Variants in PDE10A observed in about 807,000 individuals in gnomAD.
The protein encoded by PDE10A is phosphodiesterase 10A, also known as cAMP and cAMP-inhibited cGMP 3',5'-cyclic phosphodiesterase 10A.
In PDE10A, 39 loss-of-function variants were observed where a neutral mutation model predicts 97.7. The ratio of observed to expected loss-of-function variants is 0.40; its 90% CI spans 0.31 to 0.52. PDE10A has a LOEUF of 0.52. PDE10A is among the 20% of genes least tolerant of loss of function. The probability of loss-of-function intolerance (pLI) is 0.56; values close to 1 mark genes in which losing one functional copy is unlikely to be tolerated. For missense variants in PDE10A, 731 were observed against 1,047.8 expected (o/e 0.70, Z 4.17); for synonymous variants, 371 against 376.8 (o/e 0.98, Z 0.18).
chr6:165,743,117 T>A lies in PDE10A; in HGVS notation c.-614-199549A>T, dbSNP rs184732048. The stretch of plus-strand genomic sequence containing the variant: ...CTAGTGGAATCACTCATTCATTTCA[T>A]AAGTATTGATCATGTACCTACTACG... On this transcript the variant is annotated intron_variant, in intron 1 of 19. Coordinates refer to the PDE10A transcript ENST00000366882. 3.0e-3 allele frequency among the ~76,000 whole-genome samples: 461 copies of A among 152,336 alleles called. 3 individuals carry two copies. Among genetic ancestry groups the A allele is most frequent in the Non-Finnish European group, 5.4e-3 (365 of 68,032 alleles).
At chr6:165,962,134 A>G (rs1171790138) in intron 1 of PDE10A, among the ~76,000 whole-genome samples, 2 of 152,194 alleles carry the variant, frequency 1.3e-5, no homozygotes, top group Non-Finnish European at 2.9e-5. Flanking sequence ...AACCCAGTTT[A>G]TTTGCCCCCA....
At chr6:165,906,082 C>G (rs1358610138) in intron 1 of PDE10A, among the ~76,000 whole-genome samples, 1 of 67,326 alleles carries the variant, frequency 1.5e-5, no homozygotes, top group African/African-American at 6.7e-5. Flanking sequence ...TCCTTCCTCC[C>G]TCCCTCCCTT....
chr6:165,441,131 C>T (rs1790422995), intron 5 of PDE10A, among the ~76,000 whole-genome samples: 1 of 152,186 alleles, frequency 6.6e-6, no homozygotes, highest in South Asian at 2.1e-4. Context: ...GCTTCTTCTG[C>T]CCAAGAGACA....
intron 1 of PDE10A, among the ~76,000 whole-genome samples, chr6:165,915,788 A>G (rs1266015211): frequency 6.6e-6 from 1 of 152,180 alleles, no homozygotes; most frequent in Non-Finnish European, 1.5e-5. Context: ...TGCACACCTC[A>G]AGGCTTCTTT....
intron 2 of PDE10A, among the ~76,000 whole-genome samples, chr6:165,537,024 C>T (rs1053221252): frequency 4.6e-5 from 7 of 151,542 alleles, no homozygotes; most frequent in African/African-American, 1.5e-4. Context: ...TCATAGTAGC[C>T]GAAATATGTA....
chr6:165,648,770 C>T (rs1789534072), intron 1 of PDE10A, among the ~76,000 whole-genome samples: 1 of 152,252 alleles, frequency 6.6e-6, no homozygotes, highest in East Asian at 1.9e-4. Context: ...AGTGCCAAAA[C>T]TCTGCACGCA....
At chr6:165,780,963 G>A (rs1432386224) in intron 1 of PDE10A, 3 of 152,434 alleles carry the variant, frequency 2.0e-5, no homozygotes, top group African/African-American at 4.8e-5. Flanking sequence ...CAATGTGGTA[G>A]TGTTGGGTGG....
intron 1 of PDE10A, among the ~76,000 whole-genome samples, chr6:165,726,816 C>T (rs1367178356): frequency 6.6e-6 from 1 of 152,256 alleles, no homozygotes; most frequent in African/African-American, 2.4e-5. Flanking sequence ...TCTTAACCAG[C>T]CCAGTTGCCG....
chr6:165,624,324 C>G (rs1313348699), intron 1 of PDE10A, among the ~76,000 whole-genome samples: 1 of 152,172 alleles, frequency 6.6e-6, no homozygotes, highest in East Asian at 1.9e-4. Flanking sequence ...CATGTCATTC[C>G]CCGATTCAAA....
At chr6:165,934,086 C>CA (rs201796159) in intron 1 of PDE10A, among the ~76,000 whole-genome samples, 2,582 of 150,794 alleles carry the variant, frequency 0.017, 83 homozygotes, top group African/African-American at 0.058. Flanking sequence ...CAGGTTCAAG[C>CA]AATTCTCCTG....
At chr6:165,911,223 A>G (rs1782444541) in intron 1 of PDE10A, among the ~76,000 whole-genome samples, 1 of 152,234 alleles carries the variant, frequency 6.6e-6, no homozygotes, top group South Asian at 2.1e-4. Context: ...TGAGTAATCA[A>G]CAAACTCTTC....
chr6:165,620,849 C>T (rs1054151151), intron 1 of PDE10A, among the ~76,000 whole-genome samples: 12 of 151,842 alleles, frequency 7.9e-5, no homozygotes, highest in Non-Finnish European at 1.6e-4. Flanking sequence ...GGTGAAACCC[C>T]GTCTCTACTA....
intron 2 of PDE10A, among the ~76,000 whole-genome samples, chr6:165,539,072 G>C (rs147410394): frequency 1.3e-5 from 2 of 151,974 alleles, no homozygotes; most frequent in Non-Finnish European, 2.9e-5. Flanking sequence ...AGGATGTATC[G>C]GCTTTAATGC....
At chr6:165,681,783 T>C (rs1295062984) in intron 1 of PDE10A, among the ~76,000 whole-genome samples, 1 of 152,212 alleles carries the variant, frequency 6.6e-6, no homozygotes, top group East Asian at 1.9e-4. Context: ...GGGTTGGTTT[T>C]ACAAACTGCT....
chr6:165,655,601 T>C lies in PDE10A; in HGVS notation c.865+6346A>G, dbSNP rs1051638764. 3.9e-5 allele frequency among the ~76,000 whole-genome samples: 6 copies of C among 152,136 alleles called. No individual in the cohort carries two copies. Among genetic ancestry groups the C allele is most frequent in the African/African-American group, 1.4e-4 (6 of 41,414 alleles). ...ATCATCGCCGTGATCCAAGTTACCA[T>C]TGCTCTTGTCTTGACTATGACAGTA... On this transcript the variant is annotated intron_variant, in intron 1 of 21. Coordinates refer to ENST00000539869, the MANE Select transcript of PDE10A (RefSeq NM_001385079.1). This position sits in a 1 kb window ranked among gnomAD's most constrained non-coding sequence, Gnocchi z 4.5.
chr6:165,329,923 T>C lies in PDE10A; in HGVS notation c.*3102A>G, dbSNP rs557543143. 1 of 152,324 alleles carries C rather than the reference T, an allele frequency of 6.6e-6. No homozygotes were observed. The highest frequency in any genetic ancestry group is 2.4e-5 in the African/African-American group (1 of 41,594). 9.4% of individuals were successfully genotyped at this position (152,324 alleles called of 1,614,324 possible). On this transcript the variant is annotated 3_prime_UTR_variant, in exon 22 of 22. Coordinates refer to ENST00000539869, the MANE Select transcript of PDE10A (RefSeq NM_001385079.1). ...CAGCTGGGAAATGGACCAGAGTCTC[T>C]GCCCTATTAATAGGGCTATTTTTTA...
intron 18 of PDE10A, among the ~76,000 whole-genome samples, chr6:165,360,460 C>A (rs1783335632): frequency 6.6e-6 from 1 of 152,208 alleles, no homozygotes; most frequent in Non-Finnish European, 1.5e-5. Context: ...ATATGTTTCA[C>A]TTTTCTCAAG....
At chr6:165,710,621 C>T (rs1791870893) in intron 1 of PDE10A, among the ~76,000 whole-genome samples, 1 of 152,094 alleles carries the variant, frequency 6.6e-6, no homozygotes, top group Admixed American at 6.5e-5. Flanking sequence ...TTGAATAAAT[C>T]AGGAGCTTTT....
At chr6:165,701,760 C>T (rs528637932) in intron 1 of PDE10A, among the ~76,000 whole-genome samples, 14 of 149,074 alleles carry the variant, frequency 9.4e-5, no homozygotes, top group South Asian at 2.2e-4. Flanking sequence ...TGTATGTTTG[C>T]ATGTGTGTAT....
Sources: gnomAD v4.1 joint callset for allele counts (sites outside exome capture counted in the v4.1 genomes callset) on GRCh38, gnomAD v4.1.1 for gene constraint, Gnocchi (gnomAD v3.1) non-coding constraint, MANE v1.5 for transcripts, NCBI Gene and HGNC (gene_info 2026-07-23, HGNC 2026-07-21) for gene names.